Variants in KCNQ1 observed in about 807,000 individuals in gnomAD.
KCNQ1 encodes the protein potassium voltage-gated channel subfamily Q member 1.
Under a neutral mutation model 72.4 loss-of-function variants are expected in KCNQ1, and 49 were observed. The ratio of observed to expected loss-of-function variants is 0.68; its 90% CI spans 0.54 to 0.86. The LOEUF (loss-of-function observed/expected upper bound fraction) is 0.86. Among genes scored for constraint, KCNQ1 ranks in the 40% least tolerant of loss-of-function variants. The pLI, the probability that KCNQ1 is intolerant of heterozygous loss-of-function variation, is 0.00. For synonymous variants in KCNQ1, 450 were observed against 412.6 expected, an observed-to-expected ratio of 1.09 and a Z score of -1.10; for missense variants, 790 against 945.1, an observed-to-expected ratio of 0.84 and a Z score of 2.15.
At chr11:2,571,730 G>GC (rs577571193) in intron 4 of KCNQ1, among the ~76,000 whole-genome samples, 349 of 152,238 alleles carry the variant, frequency 2.3e-3, no homozygotes, top group African/African-American at 8.0e-3. Context: ...GACCCAAGGA[G>GC]CCCCCCAGAA....
chr11:2,687,596 G>A lies in KCNQ1; in HGVS notation c.1514+25515G>A, dbSNP rs1850512680. 1 of 398,732 alleles carries A rather than the reference G, an allele frequency of 2.5e-6. No homozygotes were observed. Among genetic ancestry groups the A allele is most frequent in the Non-Finnish European group, 4.4e-6 (1 of 226,158 alleles). 24.7% of individuals were successfully genotyped at this position (398,732 alleles called of 1,614,324 possible). The stretch of plus-strand genomic sequence containing the variant: ...CTGTCAAGGAGGTGTGACTGAGAAA[G>A]GAAGGGGCAGAGATCCCTTCTCCAT... On this transcript the variant is annotated intron_variant, in intron 11 of 15. Transcript: ENST00000155840. This position sits in a 1 kb window ranked among gnomAD's most constrained non-coding sequence, Gnocchi z 5.0.
At chr11:2,586,236 C>T (rs1472647591) in intron 8 of KCNQ1, among the ~76,000 whole-genome samples, 2 of 152,206 alleles carry the variant, frequency 1.3e-5, no homozygotes, top group African/African-American at 4.8e-5. Context: ...CGCTGGCTGG[C>T]GTCCCCCCTG....
At chr11:2,688,740 C>T in intron 11 of KCNQ1, 2 of 398,932 alleles carry the variant, frequency 5.0e-6, no homozygotes, top group Admixed American at 8.8e-5. Flanking sequence ...CTCTGAGCTG[C>T]TGCTGGTTAC....
Position 2,704,858 on chromosome 11 carries a change from G to C in KCNQ1, c.1514+42777G>C, listed in dbSNP as rs1850881072. On this transcript the variant is annotated intron_variant, in intron 11 of 15. Coordinates refer to ENST00000155840, the MANE Select transcript of KCNQ1 (RefSeq NM_000218.3). This position sits in a 1 kb window ranked among gnomAD's most constrained non-coding sequence, Gnocchi z 4.3. Reference sequence around the variant, plus strand: ...CATGTATGACCACGAGCGAGCCCAAGGGAAGGACGGGTTTGGAGGGTTTCT... The same window carrying C: ...CATGTATGACCACGAGCGAGCCCAACGGAAGGACGGGTTTGGAGGGTTTCT... Among the ~76,000 whole-genome samples, 1 of 152,168 alleles carries C rather than the reference G, an allele frequency of 6.6e-6. No individual in the cohort carries two copies. The highest frequency in any genetic ancestry group is 2.1e-4 in the South Asian group (1 of 4,826).
chr11:2,608,993 T>C lies in KCNQ1; in HGVS notation c.1393+20139T>C. 5.0e-6 allele frequency: 2 copies of C among 398,466 alleles called. No homozygotes were observed. The highest frequency in any genetic ancestry group is 8.8e-6 in the Non-Finnish European group (2 of 226,038). 24.7% of individuals were successfully genotyped at this position (398,466 alleles called of 1,614,324 possible). A position where few individuals can be genotyped will look rare whatever the true frequency, so the allele number is the denominator to read the frequency against. On this transcript the variant is annotated intron_variant, in intron 10 of 15. Coordinates refer to ENST00000155840, the MANE Select transcript of KCNQ1 (RefSeq NM_000218.3). The surrounding 1 kb of genome is among the most constrained non-coding windows in gnomAD (Gnocchi z 4.6). The stretch of plus-strand genomic sequence containing the variant: ...TAATTTCAAAGAACCAAATTTTGGA[T>C]TTGTTGACTTTATTATTTTTATATT...
At chr11:2,776,920 A>G (rs1291006497) in intron 13 of KCNQ1, 66 bp from the exon 14 acceptor site, 1 of 1,497,254 alleles carries the variant, frequency 6.7e-7, no homozygotes. Flanking sequence ...TCTGTCCCAC[A>G]GACGACAGTG....
Position 2,550,425 on chromosome 11 carries a change from G to A in KCNQ1, c.478-20203G>A, listed in dbSNP as rs116664430. ...TGGGAGAAGCCCACGTTCTGGGAGC[G>A]TCGCAGTGGCCCAGACACCCATGTT... On this transcript the variant is annotated intron_variant, in intron 2 of 15. Transcript: ENST00000155840. The surrounding 1 kb of genome is among the most constrained non-coding windows in gnomAD (Gnocchi z 6.0). Among the ~76,000 whole-genome samples, 1,391 of 152,294 alleles carry A rather than the reference G, an allele frequency of 9.1e-3. 26 individuals carry two copies. Among genetic ancestry groups the A allele is most frequent in the African/African-American group, 0.032 (1,330 of 41,558 alleles).
rs374938511 is a variant in KCNQ1, at chr11:2,749,503, CAT to C, written c.1515-19340_1515-19339del. 5.2e-4 allele frequency among the ~76,000 whole-genome samples: 79 copies of C among 151,980 alleles called. 1 individual carries two copies. Among genetic ancestry groups the C allele is most frequent in the Admixed American group, 4.0e-3 (61 of 15,238 alleles). ...ACAACGGGAATGATCGAGGAGTTAACATGTGTTTAAAAGCACCGAGGCTTGGC... is the reference window on the plus strand; with the variant it reads ...ACAACGGGAATGATCGAGGAGTTAACGTGTTTAAAAGCACCGAGGCTTGGC... On this transcript the variant is annotated intron_variant, in intron 11 of 15. Coordinates refer to ENST00000155840, the MANE Select transcript of KCNQ1 (RefSeq NM_000218.3).
chr11:2,499,453 G>T (rs184200055), intron 1 of KCNQ1, among the ~76,000 whole-genome samples: 358 of 151,168 alleles, frequency 2.4e-3, no homozygotes, highest in African/African-American at 7.9e-3. Context: ...GAGTCCTTAC[G>T]TATCAATAAT....
intron 10 of KCNQ1, among the ~76,000 whole-genome samples, chr11:2,605,525 C>G (rs1458612075): frequency 6.6e-6 from 1 of 152,170 alleles, no homozygotes; most frequent in Non-Finnish European, 1.5e-5. Flanking sequence ...TGTTTCAACA[C>G]TATTTGTTCA....
intron 1 of KCNQ1, among the ~76,000 whole-genome samples, chr11:2,455,433 C>G (rs1325316586): frequency 1.3e-5 from 2 of 152,136 alleles, no homozygotes; most frequent in Non-Finnish European, 2.9e-5. Flanking sequence ...GATGTTCAAA[C>G]TCAGAGCCAA....
chr11:2,448,080 A>G (rs1846070880), intron 1 of KCNQ1, among the ~76,000 whole-genome samples: 1 of 152,136 alleles, frequency 6.6e-6, no homozygotes, highest in Non-Finnish European at 1.5e-5. Context: ...GGCAGCTCCC[A>G]TCTTAGCTGA....
rs1850512770 is a variant in KCNQ1, at chr11:2,687,601, G to A, written c.1514+25520G>A. 2.5e-6 allele frequency: 1 copy of A among 398,708 alleles called. No individual in the cohort carries two copies. The highest frequency in any genetic ancestry group is 3.6e-5 in the East Asian group (1 of 28,076). 24.7% of individuals were successfully genotyped at this position (398,708 alleles called of 1,614,324 possible). On this transcript the variant is annotated intron_variant, in intron 11 of 15. Transcript: ENST00000155840. The surrounding 1 kb of genome is among the most constrained non-coding windows in gnomAD (Gnocchi z 5.0). ...AAGGAGGTGTGACTGAGAAAGGAAG[G>A]GGCAGAGATCCCTTCTCCATTCCTC...
chr11:2,841,369 G>A (rs1848206710), intron 15 of KCNQ1, among the ~76,000 whole-genome samples: 2 of 152,174 alleles, frequency 1.3e-5, no homozygotes, highest in African/African-American at 2.4e-5. Flanking sequence ...GGCTCAGCCT[G>A]GCTGTTGCCT....
Position 2,713,923 on chromosome 11 carries a change from G to A in KCNQ1, c.1514+51842G>A, listed in dbSNP as rs368049390. Among the ~76,000 whole-genome samples, 83 of 152,362 alleles carry A rather than the reference G, an allele frequency of 5.4e-4. 2 individuals are homozygous for A. In the South Asian group the frequency reaches 0.016, roughly 29 times the overall value. ...ATGGCCCAGCACGCCGCTCACTGCC[G>A]CGCCTTTGTTCTCTGCTTCCTGCTC... is the stretch of plus-strand genomic sequence containing the variant. On this transcript the variant is annotated intron_variant, in intron 11 of 15. Transcript: ENST00000155840. This position sits in a 1 kb window ranked among gnomAD's most constrained non-coding sequence, Gnocchi z 5.6.
intron 10 of KCNQ1, chr11:2,616,209 T>C: frequency 2.5e-6 from 1 of 397,626 alleles, no homozygotes; most frequent in East Asian, 3.6e-5. Context: ...CTTTTGTTTT[T>C]TTTTCTTATT....
At chr11:2,731,266 G>A (rs986315138) in intron 11 of KCNQ1, among the ~76,000 whole-genome samples, 15 of 152,202 alleles carry the variant, frequency 9.9e-5, no homozygotes, top group Admixed American at 8.5e-4. Context: ...GGTGGCAGGC[G>A]GAATCCAAGG....
At chr11:2,749,960 CAA>C (rs71029158) in intron 11 of KCNQ1, among the ~76,000 whole-genome samples, 94 of 144,122 alleles carry the variant, frequency 6.5e-4, no homozygotes, top group East Asian at 8.1e-4. Flanking sequence ...ACTCTGTCTC[CAA>C]AAAAAAAAAA....
In KCNQ1 at chr11:2,673,375, G is replaced by C; in HGVS notation, c.1514+11294G>C. 1 of 398,680 alleles carries C rather than the reference G, an allele frequency of 2.5e-6. No homozygotes were observed. Among genetic ancestry groups the C allele is most frequent in the Non-Finnish European group, 4.4e-6 (1 of 226,088 alleles). 24.7% of individuals were successfully genotyped at this position (398,680 alleles called of 1,614,324 possible). A position where few individuals can be genotyped will look rare whatever the true frequency, so the allele number is the denominator to read the frequency against. On this transcript the variant is annotated intron_variant, in intron 11 of 15. Transcript: ENST00000155840. The surrounding 1 kb of genome is among the most constrained non-coding windows in gnomAD (Gnocchi z 4.5). ...AAACAAAGGGAAGTGACAGAGCAGA[G>C]CTCCCCTTGGCCTTTGTTTAGCCCA...
Sources: allele counts gnomAD v4.1 joint callset (sites outside exome capture counted in the v4.1 genomes callset), GRCh38; gene constraint gnomAD v4.1.1; non-coding constraint Gnocchi (gnomAD v3.1); transcripts MANE v1.5; gene names NCBI Gene and HGNC (gene_info 2026-07-23, HGNC 2026-07-21).